GREP1: variants seen among roughly 807,000 people sequenced by gnomAD.
GREP1 encodes glycine-rich extracellular protein 1.
chr16:2,989,947 G>T lies in GREP1; in HGVS notation c.131-27G>T. The T allele has an allele frequency of 2.5e-6, 1 of 398,906 alleles. No homozygotes were observed. The highest frequency in any genetic ancestry group is 4.4e-6 in the Non-Finnish European group (1 of 226,068). The allele number at this position is 398,906 out of a possible 1,614,324, so 24.7% of individuals were successfully genotyped here. A position where few individuals can be genotyped will look rare whatever the true frequency, so the allele number is the denominator to read the frequency against. ...GCTCTGGGGAGATCCTGGGGGAGGGGTGTCCCTCACCTCCCTGTCTCTCCA... is the reference window on the plus strand; with the variant it reads ...GCTCTGGGGAGATCCTGGGGGAGGGTTGTCCCTCACCTCCCTGTCTCTCCA... On this transcript the variant is annotated intron_variant, in intron 3 of 34. Transcript: ENST00000573315. The surrounding 1 kb of genome is among the most constrained non-coding windows in gnomAD (Gnocchi z 4.2).
At chr16:2,994,927 G>A (rs937956384) in exon 13 of GREP1, 1 of 399,216 alleles carries the variant, frequency 2.5e-6, no homozygotes, top group Non-Finnish European at 4.4e-6. Flanking sequence ...ATTCCCCCAG[G>A]ATTCCAGTAC....
chr16:2,998,809 T>G, intron 25 of GREP1, 39 bp from the exon 24 acceptor site: 1 of 399,084 alleles, frequency 2.5e-6, no homozygotes, highest in East Asian at 3.6e-5. Flanking sequence ...AGGACTGGCC[T>G]GGAGCATAGC....
chr16:2,997,510 G>C, intron 22 of GREP1: 1 of 398,510 alleles, frequency 2.5e-6, no homozygotes, highest in Non-Finnish European at 4.4e-6. Flanking sequence ...GGTTTTCTTG[G>C]GGGCTCCTGC....
exon 23 of GREP1, chr16:2,997,819 G>A (rs2072434267): frequency 5.0e-6 from 2 of 398,422 alleles, no homozygotes; most frequent in Middle Eastern, 6.2e-4. Flanking sequence ...GAGAGGGCAT[G>A]AAACCTCAGA....
chr16:3,000,250 C>G (rs185060012), intron 29 of GREP1, 132 bp downstream of exon 26: 1 of 399,538 alleles, frequency 2.5e-6, no homozygotes, highest in Admixed American at 4.4e-5. Context: ...GTCCCTGTTC[C>G]ACTAGCCTGT....
In GREP1 at chr16:2,996,350, C is replaced by T. The variant is rs2072424729; in HGVS notation, c.677-146C>T. On this transcript the variant is annotated intron_variant, in intron 18 of 34. Transcript: ENST00000573315. ...TGCCACTGGCTGGCCGGATGTGGCT[C>T]TGCCTCTGTGTCTCTCTGTAGGCCT... 31 of 397,338 alleles carry T rather than the reference C, an allele frequency of 7.8e-5. 1 individual carries two copies. In the East Asian group the frequency reaches 1.1e-3, roughly 14 times the overall value. The allele number at this position is 397,338 out of a possible 1,614,324, so 24.6% of individuals were successfully genotyped here.
chr16:2,998,796 G>T (rs937514587), intron 25 of GREP1, 52 bp from the exon 24 acceptor site: 1 of 398,918 alleles, frequency 2.5e-6, no homozygotes, highest in African/African-American at 2.1e-5. Context: ...GGTGGCGTCG[G>T]TGAGGACTGG....
chr16:2,991,333 G>A lies in GREP1; in HGVS notation c.322+232G>A, dbSNP rs1223336916. On this transcript the variant is annotated intron_variant, in intron 8 of 34. Coordinates refer to ENST00000573315, the Ensembl canonical transcript of GREP1. The surrounding 1 kb of genome is among the most constrained non-coding windows in gnomAD (Gnocchi z 4.9). ...ATCCAGGCGCCTCTGGGTCCCTCAAGCCTGCCCACCCCACCGCTCATGGCC... is the reference window on the plus strand; with the variant it reads ...ATCCAGGCGCCTCTGGGTCCCTCAAACCTGCCCACCCCACCGCTCATGGCC... 5.2e-6 allele frequency: 2 copies of A among 383,290 alleles called. No individual in the cohort carries two copies. Among genetic ancestry groups the A allele is most frequent in the East Asian group, 3.7e-5 (1 of 27,048 alleles). 23.7% of individuals were successfully genotyped at this position (383,290 alleles called of 1,614,324 possible).
At chr16:2,990,942 G>A (rs995286989) in intron 7 of GREP1, 106 bp from the exon 7 acceptor site, 3 of 398,940 alleles carry the variant, frequency 7.5e-6, no homozygotes, top group South Asian at 1.3e-4. Flanking sequence ...AGCCAGAGGC[G>A]AGGCCGCCCC....
intron 13 of GREP1, 89 bp downstream of exon 14, chr16:2,995,051 T>A (rs1035825177): frequency 5.0e-6 from 2 of 398,008 alleles, no homozygotes; most frequent in Admixed American, 4.4e-5. Flanking sequence ...TGGAGAGGGG[T>A]GACGGGGCGT....
chr16:2,995,892 G>A (rs1369756193), exon 18 of GREP1: 1 of 398,494 alleles, frequency 2.5e-6, no homozygotes, highest in Non-Finnish European at 4.4e-6. Flanking sequence ...GGCCTTCCCT[G>A]GGGCTGGAAC....
At chr16:2,998,233 AC>A (rs1843256340) in intron 23 of GREP1, 122 bp from the exon 22 acceptor site, 1 of 397,530 alleles carries the variant, frequency 2.5e-6, no homozygotes, top group African/African-American at 2.1e-5. Flanking sequence ...CACACCAGGG[AC>A]CTGGCTGGGG....
chr16:2,995,150 G>A lies in GREP1; in HGVS notation c.485-134G>A, dbSNP rs546012272. On this transcript the variant is annotated intron_variant, in intron 13 of 34. Coordinates refer to ENST00000573315, the Ensembl canonical transcript of GREP1. Reference sequence around the variant, plus strand: ...TAGCTCAGCCCTCCCACCCCGACAAGCCCCCCACCTCAGAATGGCCCTGGA... The same window carrying A: ...TAGCTCAGCCCTCCCACCCCGACAAACCCCCCACCTCAGAATGGCCCTGGA... The A allele has an allele frequency of 1.3e-4, 50 of 396,324 alleles. No individual in the cohort carries two copies. In the East Asian group the frequency reaches 1.8e-3, roughly 14 times the overall value. 24.6% of individuals were successfully genotyped at this position (396,324 alleles called of 1,614,324 possible). A position where few individuals can be genotyped will look rare whatever the true frequency, so the allele number is the denominator to read the frequency against.
chr16:2,992,522 G>A lies in GREP1; in HGVS notation c.323-283G>A, dbSNP rs1409498463. The A allele has an allele frequency of 3.5e-6, 1 of 289,076 alleles. No individual in the cohort carries two copies. Among genetic ancestry groups the A allele is most frequent in the African/African-American group, 2.2e-5 (1 of 46,098 alleles). The allele number at this position is 289,076 out of a possible 1,614,324, so 17.9% of individuals were successfully genotyped here. ...CTGGGTCCCAACAGATGGGCTCTTG[G>A]GGGTTCATTCATTCACCCAATCTCC... On this transcript the variant is annotated intron_variant, in intron 8 of 34. Transcript: ENST00000573315. The surrounding 1 kb of genome is among the most constrained non-coding windows in gnomAD (Gnocchi z 4.9).
At chr16:3,001,284 G>A (rs2072460848) in exon 34 of GREP1, 5 of 399,146 alleles carry the variant, frequency 1.3e-5, no homozygotes, top group East Asian at 7.1e-5. Context: ...GCCACAGGGG[G>A]CCCCGACGTG....
At chr16:2,993,331 ACAACAAACCTCATT>A (rs942010026) in intron 10 of GREP1, 6 of 173,330 alleles carry the variant, frequency 3.5e-5, no homozygotes, top group African/African-American at 1.4e-4. Flanking sequence ...TTGGTCTCAC[ACAACAAACCTCATT>A]CGACAAACCA....
chr16:2,995,815 C>A, intron 17 of GREP1, 44 bp downstream of exon 17: 1 of 398,606 alleles, frequency 2.5e-6, no homozygotes, highest in Non-Finnish European at 4.4e-6. Context: ...GCACGAACCC[C>A]TGAAGCCATA....
chr16:2,988,396 T>G (rs2151088307), intron 1 of GREP1, 56 bp downstream of exon 1: 1 of 399,060 alleles, frequency 2.5e-6, no homozygotes, highest in Middle Eastern at 6.3e-4. Context: ...TGACTGGGGC[T>G]GGGGGTCCAA....
At chr16:3,001,942 G>A (rs1333037028) in exon 35 of GREP1, 2 of 295,692 alleles carry the variant, frequency 6.8e-6, no homozygotes, top group Non-Finnish European at 6.2e-6. Flanking sequence ...GGGGCCTTGT[G>A]CATGGAAAAG....
Sources: gnomAD v4.1 joint callset for allele counts on GRCh38, gnomAD v4.1.1 for gene constraint, Gnocchi (gnomAD v3.1) non-coding constraint, MANE v1.5 for transcripts, NCBI Gene and HGNC (gene_info 2026-07-23, HGNC 2026-07-21) for gene names.